DLC1: variants seen among roughly 807,000 people sequenced by gnomAD.
The protein encoded by DLC1 is rho GTPase-activating protein 7.
DLC1 carries 54 observed loss-of-function variants against 140.3 expected under a neutral mutation model. That is an observed-to-expected ratio of 0.38 (90% CI 0.31 to 0.48). DLC1 has a LOEUF of 0.48. DLC1 is among the 20% of genes least tolerant of loss of function. The probability of loss-of-function intolerance (pLI) is 0.96; values close to 1 mark genes in which losing one functional copy is unlikely to be tolerated. For missense variants in DLC1, 2,536 were observed against 1,907.0 expected, an observed-to-expected ratio of 1.33 and a Z score of -6.14; for synonymous variants, 986 against 728.1, an observed-to-expected ratio of 1.35 and a Z score of -5.70.
chr8:13,546,059 T>C (rs1036816239), intron 1 of DLC1, among the ~76,000 whole-genome samples: 29 of 152,266 alleles, frequency 1.9e-4, no homozygotes, highest in African/African-American at 7.0e-4. Flanking sequence ...AACAATCTTT[T>C]ATGCCGTCTT....
intron 2 of DLC1, among the ~76,000 whole-genome samples, chr8:13,431,511 A>G (rs796817808): frequency 1.6e-3 from 207 of 132,128 alleles, no homozygotes; most frequent in South Asian, 3.7e-3. Context: ...AAAAAAAAAA[A>G]AAAAGAAAAG....
intron 5 of DLC1, among the ~76,000 whole-genome samples, chr8:13,244,165 T>A (rs1239915145): frequency 6.6e-6 from 1 of 152,192 alleles, no homozygotes; most frequent in Non-Finnish European, 1.5e-5. Flanking sequence ...TTAGCTATAC[T>A]TCCTTCCTTC....
At chr8:13,308,324 T>C (rs1054752169) in intron 4 of DLC1, among the ~76,000 whole-genome samples, 6 of 152,162 alleles carry the variant, frequency 3.9e-5, no homozygotes, top group African/African-American at 1.4e-4. Context: ...TCAAAGACCA[T>C]ATTACAATGT....
At chr8:13,198,710 C>G (rs1827207318) in intron 5 of DLC1, among the ~76,000 whole-genome samples, 1 of 151,048 alleles carries the variant, frequency 6.6e-6, no homozygotes, top group Non-Finnish European at 1.5e-5. Flanking sequence ...GGTCACAACT[C>G]CTTGGCATGG....
At chr8:13,314,689 T>C (rs549289694) in intron 4 of DLC1, among the ~76,000 whole-genome samples, 3 of 152,220 alleles carry the variant, frequency 2.0e-5, no homozygotes, top group African/African-American at 7.2e-5. Flanking sequence ...AGGCTTCTGG[T>C]AGAAGCTCAA....
chr8:13,110,996 G>C (rs1418399823), intron 6 of DLC1, among the ~76,000 whole-genome samples, 173 bp from the exon 7 acceptor site: 1 of 152,130 alleles, frequency 6.6e-6, no homozygotes, highest in African/African-American at 2.4e-5. Context: ...AAGCCAATCG[G>C]GCATCACTGT....
chr8:13,596,262 T>C (rs62493212), intron 1 of DLC1, among the ~76,000 whole-genome samples: 11,094 of 152,062 alleles, frequency 0.073, 643 homozygotes, highest in Admixed American at 0.18. Context: ...CATTTTATTA[T>C]TATATTGCCT....
intron 4 of DLC1, among the ~76,000 whole-genome samples, chr8:13,375,300 T>G (rs958755133): frequency 1.3e-5 from 2 of 152,190 alleles, no homozygotes; most frequent in African/African-American, 4.8e-5. Context: ...GTGCTGGGAT[T>G]ACAGGCTTGA....
intron 4 of DLC1, among the ~76,000 whole-genome samples, chr8:13,309,599 T>G (rs950953388): frequency 2.0e-5 from 3 of 152,214 alleles, no homozygotes; most frequent in African/African-American, 7.2e-5. Context: ...CATGCCTGTT[T>G]GTGTTTTTGG....
chr8:13,571,039 A>G (rs1408312884), intron 1 of DLC1, among the ~76,000 whole-genome samples: 1 of 152,162 alleles, frequency 6.6e-6, no homozygotes, highest in African/African-American at 2.4e-5. Context: ...ACTTTAACCA[A>G]TACAACTTTA....
intron 1 of DLC1, among the ~76,000 whole-genome samples, chr8:13,545,655 A>C (rs1034713720): frequency 2.0e-5 from 3 of 152,138 alleles, no homozygotes; most frequent in African/African-American, 7.2e-5. Context: ...CCAGATGATG[A>C]TACTAATAAT....
chr8:13,195,108 G>C (rs905619359), intron 5 of DLC1, among the ~76,000 whole-genome samples: 1 of 152,112 alleles, frequency 6.6e-6, no homozygotes, highest in Non-Finnish European at 1.5e-5. Context: ...TTTTCCCTTT[G>C]ATTTGGCTAT....
intron 5 of DLC1, among the ~76,000 whole-genome samples, chr8:13,131,582 T>TCTTTAAGTG (rs77490055): frequency 0.29 from 44,572 of 151,778 alleles, 7,824 homozygotes; most frequent in East Asian, 0.5. Context: ...GACGAAGCTT[T>TCTTTAAGTG]CTTTAAGTGC....
chr8:13,499,641 G>T lies in DLC1; in HGVS notation c.431C>A (p.Ala144Glu). The T allele has an allele frequency of 6.2e-7, 1 of 1,614,176 alleles. No individual in the cohort carries two copies. Among genetic ancestry groups the T allele is most frequent in the South Asian group, 1.1e-5 (1 of 91,076 alleles). Residue 144 changes from alanine to glutamate, a missense_variant, in exon 2 of 18, where the codon GCA becomes GAA. By Grantham distance (107) the Ala-to-Glu change is moderately radical. Coordinates refer to ENST00000276297, the MANE Select transcript of DLC1 (RefSeq NM_182643.3). ...GGGCAGTGCCTTTTCTAAGGAGCCTGCTCCTTGGATCATATGTTGGCCTGA... is the reference window on the plus strand; with the variant it reads ...GGGCAGTGCCTTTTCTAAGGAGCCTTCTCCTTGGATCATATGTTGGCCTGA... ...KTSGQHMIQG[A>E]GSLEKALPII...
intron 5 of DLC1, among the ~76,000 whole-genome samples, chr8:13,146,377 T>C (rs951520031): frequency 1.3e-5 from 2 of 152,090 alleles, no homozygotes; most frequent in Non-Finnish European, 2.9e-5. Flanking sequence ...TCAGTACTAG[T>C]TACCCTCTAT....
intron 5 of DLC1, among the ~76,000 whole-genome samples, chr8:13,261,700 C>G (rs150496963): frequency 1.8e-4 from 27 of 151,994 alleles, no homozygotes; most frequent in Non-Finnish European, 3.4e-4. Flanking sequence ...ATAGGATTGG[C>G]TGATGGAAGA....
chr8:13,211,010 A>G (rs943521829), intron 5 of DLC1, among the ~76,000 whole-genome samples: 3 of 152,194 alleles, frequency 2.0e-5, no homozygotes, highest in Admixed American at 2.0e-4. Context: ...GAGGTAGGAG[A>G]TGAGCAGGAC....
chr8:13,099,606 A>C lies in DLC1; in HGVS notation c.2731T>G (p.Tyr911Asp). The part of the protein sequence containing the change: ...DIFPELDDIL[Y>D]HVKGMQRIVN... ...ATCCGCTGCATCCCCTTCACGTGGT[A>C]GAGGATGTCGTCCAGCTCGGGGAAG... The change falls in exon 9 of 18, where the codon TAC becomes GAC. Residue 911 changes from tyrosine to aspartate, a missense_variant. Coordinates refer to ENST00000276297, the MANE Select transcript of DLC1 (RefSeq NM_182643.3). The C allele has an allele frequency of 6.2e-7, 1 of 1,614,230 alleles. No homozygotes were observed.
At chr8:13,411,274 T>C (rs289612) in intron 2 of DLC1, among the ~76,000 whole-genome samples, 125,219 of 152,116 alleles carry the variant, frequency 0.82, 52,029 homozygotes, top group African/African-American at 0.94. Flanking sequence ...ATGGAGGAAA[T>C]TTAAATGCAT....
Sources: allele counts gnomAD v4.1 joint callset (sites outside exome capture counted in the v4.1 genomes callset), GRCh38; gene constraint gnomAD v4.1.1; transcripts MANE v1.5; gene names NCBI Gene and HGNC (gene_info 2026-07-23, HGNC 2026-07-21).